Variants in MYO16 observed in about 807,000 individuals in gnomAD.
MYO16 encodes the protein unconventional myosin-XVI.
Under a neutral mutation model 205.3 loss-of-function variants are expected in MYO16, and 94 were observed. That is an observed-to-expected ratio of 0.46 (90% confidence interval 0.39 to 0.54). The LOEUF is 0.54. Ranked by LOEUF, MYO16 falls within the 20% of genes least tolerant of loss-of-function variation. The pLI is 0.00. For missense variants in MYO16, 2,315 were observed against 2,387.5 expected (o/e 0.97, Z 0.63); for synonymous variants, 988 against 954.0 (o/e 1.04, Z -0.66).
intron 15 of MYO16, among the ~76,000 whole-genome samples, chr13:108,902,739 A>G (rs1473637863): frequency 1.3e-5 from 2 of 152,044 alleles, no homozygotes; most frequent in African/African-American, 4.8e-5. Context: ...CTCTTCTCCA[A>G]AGGACACTGG....
At chr13:108,658,740 G>A (rs1174520990) in intron 1 of MYO16, among the ~76,000 whole-genome samples, 1 of 152,058 alleles carries the variant, frequency 6.6e-6, no homozygotes, top group Non-Finnish European at 1.5e-5. Flanking sequence ...TTTCAATTAT[G>A]TTAAGAAAAC....
chr13:108,684,652 C>A (rs1047962108), intron 2 of MYO16, among the ~76,000 whole-genome samples: 1 of 152,150 alleles, frequency 6.6e-6, no homozygotes, highest in Non-Finnish European at 1.5e-5. Flanking sequence ...GTTGGTCACC[C>A]AGCCATGATT....
chr13:109,076,805 C>T (rs906630690), intron 27 of MYO16, among the ~76,000 whole-genome samples: 21 of 151,924 alleles, frequency 1.4e-4, no homozygotes, highest in Admixed American at 1.1e-3. Context: ...AAAATGAAGC[C>T]CAGATTTCAG....
At chr13:108,685,044 G>C (rs1331599527) in intron 2 of MYO16, among the ~76,000 whole-genome samples, 1 of 102,836 alleles carries the variant, frequency 9.7e-6, no homozygotes, top group Non-Finnish European at 2.1e-5. Flanking sequence ...TTTTTTTTGA[G>C]ATAGAGTCTC....
intron 27 of MYO16, among the ~76,000 whole-genome samples, chr13:109,085,300 T>C (rs1888404680): frequency 6.6e-6 from 1 of 151,936 alleles, no homozygotes; most frequent in Admixed American, 6.6e-5. Context: ...TGAGAGTAAT[T>C]GAGGAAGATT....
At chr13:109,182,064 C>A (rs934660957) in intron 34 of MYO16, among the ~76,000 whole-genome samples, 1 of 152,050 alleles carries the variant, frequency 6.6e-6, no homozygotes, top group Non-Finnish European at 1.5e-5. Context: ...GTGATCCGTC[C>A]GCCTCGGCCT....
rs930219744 is a variant in MYO16, at chr13:109,125,828, C to T, written c.3782+470C>T. On this transcript the variant is annotated intron_variant, in intron 30 of 34. Coordinates refer to ENST00000457511, the MANE Select transcript of MYO16 (RefSeq NM_001198950.3). This position sits in a 1 kb window ranked among gnomAD's most constrained non-coding sequence, Gnocchi z 4.0. ...GATAGATTGTAAGTGTATTATATATCCCTGTGTAAACTGTCACGTCTCTCT... is the reference window on the plus strand; with the variant it reads ...GATAGATTGTAAGTGTATTATATATTCCTGTGTAAACTGTCACGTCTCTCT... 2.0e-5 allele frequency among the ~76,000 whole-genome samples: 3 copies of T among 152,168 alleles called. No homozygotes were observed. In the East Asian group the frequency reaches 5.8e-4, roughly 29 times the overall value.
At chr13:108,945,357 G>A (rs538068254) in intron 16 of MYO16, among the ~76,000 whole-genome samples, 4 of 152,242 alleles carry the variant, frequency 2.6e-5, no homozygotes, top group Middle Eastern at 3.4e-3. Context: ...CATGGCCAGG[G>A]ACCACTTATT....
At chr13:108,732,485 C>T (rs767066936) in intron 4 of MYO16, among the ~76,000 whole-genome samples, 4 of 152,266 alleles carry the variant, frequency 2.6e-5, no homozygotes, top group East Asian at 3.9e-4. Flanking sequence ...TGCAAGTGTG[C>T]CAGCCAGAGG....
At chr13:108,707,496 G>T (rs560769879) in intron 2 of MYO16, among the ~76,000 whole-genome samples, 1 of 152,118 alleles carries the variant, frequency 6.6e-6, no homozygotes, top group Non-Finnish European at 1.5e-5. Context: ...TTGATTGCAG[G>T]CCTCCCCATC....
the MYO16 span, among the ~76,000 whole-genome samples, chr13:108,548,701 T>G: frequency 1.3e-5 from 2 of 151,886 alleles, no homozygotes. Context: ...TGATGATGAT[T>G]ATGATGATGA....
chr13:108,972,245 CTCTCTATATATATATATATA>C (rs1196603026), intron 20 of MYO16, among the ~76,000 whole-genome samples: 5 of 8,608 alleles, frequency 5.8e-4, no homozygotes, highest in Non-Finnish European at 1.3e-3. Flanking sequence ...CTCTCTCTCT[CTCTCTATATATATATATATA>C]TATATATATA....
chr13:108,881,009 C>T (rs1310714246), intron 12 of MYO16, among the ~76,000 whole-genome samples: 1 of 152,130 alleles, frequency 6.6e-6, no homozygotes, highest in Non-Finnish European at 1.5e-5. Context: ...GTCCCTGACC[C>T]CTGAGTAGCC....
chr13:108,890,877 C>T (rs549502659), intron 14 of MYO16, among the ~76,000 whole-genome samples: 1 of 152,242 alleles, frequency 6.6e-6, no homozygotes, highest in East Asian at 1.9e-4. Flanking sequence ...CACTATATCC[C>T]CTTCCTCTTA....
At chr13:109,098,248 C>G (rs1888841432) in intron 27 of MYO16, among the ~76,000 whole-genome samples, 1 of 152,190 alleles carries the variant, frequency 6.6e-6, no homozygotes. Flanking sequence ...TAACTAGAAT[C>G]AAACACATCT....
chr13:108,876,668 T>C (rs1019762205), intron 12 of MYO16, among the ~76,000 whole-genome samples: 10 of 86,464 alleles, frequency 1.2e-4, no homozygotes, highest in African/African-American at 4.3e-4. Flanking sequence ...ATATTCTCTC[T>C]CTTTTTTTTT....
At chr13:108,735,814 G>A (rs1884677432) in intron 4 of MYO16, among the ~76,000 whole-genome samples, 1 of 151,446 alleles carries the variant, frequency 6.6e-6, no homozygotes, top group African/African-American at 2.4e-5. Flanking sequence ...GTTGTTTCCT[G>A]ACTTTTTAAT....
chr13:108,521,637 G>T, the MYO16 span, among the ~76,000 whole-genome samples: 2 of 152,132 alleles, frequency 1.3e-5, no homozygotes, highest in African/African-American at 4.8e-5. Flanking sequence ...AAACTGATAA[G>T]TGTGCTCTTT....
chr13:109,069,593 C>CACCT (rs139153875), intron 27 of MYO16, among the ~76,000 whole-genome samples: 151,968 of 152,088 alleles, frequency 1, 75,924 homozygotes, highest in Non-Finnish European at 1. Flanking sequence ...TGTAGAGGGG[C>CACCT]TCTACACTGT....
Sources: gnomAD v4.1 joint callset for allele counts (sites outside exome capture counted in the v4.1 genomes callset) on GRCh38, gnomAD v4.1.1 for gene constraint, Gnocchi (gnomAD v3.1) non-coding constraint, MANE v1.5 for transcripts, NCBI Gene and HGNC (gene_info 2026-07-23, HGNC 2026-07-21) for gene names.